ZC3H12B: variants seen among roughly 807,000 people sequenced by gnomAD.
ZC3H12B encodes probable ribonuclease ZC3H12B.
ZC3H12B carries 7 observed loss-of-function variants against 43.9 expected under a neutral mutation model. The ratio of observed to expected loss-of-function variants is 0.16; its 90% CI spans 0.09 to 0.30. ZC3H12B has a LOEUF of 0.30. ZC3H12B is among the 10% of genes least tolerant of loss of function. The pLI is 1.00. For synonymous variants in ZC3H12B, 222 were observed against 241.7 expected, an observed-to-expected ratio of 0.92 and a Z score of 0.76; for missense variants, 475 against 670.2, an observed-to-expected ratio of 0.71 and a Z score of 3.22.
At chrX:65,388,555 C>T (rs1236768434) in intron 2 of ZC3H12B, among the ~76,000 whole-genome samples, 1 of 110,581 alleles carries the variant, frequency 9.0e-6, no homozygotes, top group Admixed American at 9.6e-5. Context: ...ATTTTTTTTT[C>T]AAAGTTTTTA....
intron 3 of ZC3H12B, among the ~76,000 whole-genome samples, chrX:65,439,343 T>A (rs1238588520): frequency 1.8e-5 from 2 of 111,979 alleles, no homozygotes; most frequent in Non-Finnish European, 3.8e-5. Flanking sequence ...CATCTTACCA[T>A]TTTGTTCAGA....
the ZC3H12B span, among the ~76,000 whole-genome samples, chrX:65,273,355 C>T: frequency 9.1e-6 from 1 of 109,873 alleles, no homozygotes; most frequent in African/African-American, 3.3e-5. Context: ...CTAGATCAAA[C>T]AGAAGAAATG....
the ZC3H12B span, among the ~76,000 whole-genome samples, chrX:65,295,356 G>A: frequency 3.6e-5 from 4 of 111,385 alleles, no homozygotes; most frequent in Non-Finnish European, 7.6e-5. Flanking sequence ...TATTTGAACT[G>A]AACGCTAATA....
chrX:65,122,471 A>C, the ZC3H12B span, among the ~76,000 whole-genome samples: 73 of 111,443 alleles, frequency 6.6e-4, no homozygotes, highest in African/African-American at 2.4e-3. Flanking sequence ...AGGAAACTGC[A>C]TCAACTGACA....
At chrX:65,325,627 C>A in the ZC3H12B span, among the ~76,000 whole-genome samples, 3 of 110,160 alleles carry the variant, frequency 2.7e-5, no homozygotes, top group Non-Finnish European at 3.8e-5. Flanking sequence ...AAAAGTTAGC[C>A]CATGTTTATG....
At chrX:65,491,544 T>G (rs1356161604) in intron 1 of ZC3H12B, among the ~76,000 whole-genome samples, 1 of 109,238 alleles carries the variant, frequency 9.2e-6, no homozygotes, top group African/African-American at 3.3e-5. Context: ...CTGTCTCTAC[T>G]GCAAATACAA....
chrX:65,367,175 T>C (rs2066184685), intron 1 of ZC3H12B, among the ~76,000 whole-genome samples: 1 of 111,934 alleles, frequency 8.9e-6, no homozygotes, highest in African/African-American at 3.2e-5. Flanking sequence ...TGTTATTGCA[T>C]CTATAAATCA....
At chrX:65,479,820 G>C in intron 3 of ZC3H12B, among the ~76,000 whole-genome samples, 1 of 112,578 alleles carries the variant, frequency 8.9e-6, no homozygotes, top group Non-Finnish European at 1.9e-5. Flanking sequence ...GAAAATTAAA[G>C]TACACTCCAC....
chrX:65,345,247 A>G, the ZC3H12B span, among the ~76,000 whole-genome samples: 2 of 112,224 alleles, frequency 1.8e-5, no homozygotes, highest in African/African-American at 6.5e-5. Context: ...ACATGCATGC[A>G]TATGTACATT....
the ZC3H12B span, among the ~76,000 whole-genome samples, chrX:65,124,168 A>G: frequency 9.0e-6 from 1 of 110,889 alleles, no homozygotes; most frequent in Non-Finnish European, 1.9e-5. Context: ...TGTCCATGCT[A>G]TGCCAATTTT....
chrX:65,160,129 G>A, the ZC3H12B span, among the ~76,000 whole-genome samples: 1 of 111,778 alleles, frequency 8.9e-6, no homozygotes. Flanking sequence ...GATCATGGTG[G>A]ATAAGGTTTT....
the ZC3H12B span, among the ~76,000 whole-genome samples, chrX:65,131,396 A>G: frequency 9.0e-6 from 1 of 111,509 alleles, no homozygotes; most frequent in Admixed American, 9.5e-5. Flanking sequence ...CAGTAAGGTT[A>G]AGTTGTTTGG....
At chrX:65,456,605 GT>G (rs2067617439) in intron 3 of ZC3H12B, among the ~76,000 whole-genome samples, 1 of 105,772 alleles carries the variant, frequency 9.5e-6, no homozygotes, top group African/African-American at 3.5e-5. Context: ...CGCCTGACTG[GT>G]TTTCGTTTTT....
intron 2 of ZC3H12B, among the ~76,000 whole-genome samples, chrX:65,391,453 G>T (rs183022810): frequency 9.0e-6 from 1 of 111,588 alleles, no homozygotes; most frequent in Non-Finnish European, 1.9e-5. Context: ...GGCAGATTTT[G>T]ATTCATAACA....
At chrX:65,254,391 C>T in the ZC3H12B span, among the ~76,000 whole-genome samples, 7 of 112,380 alleles carry the variant, frequency 6.2e-5, no homozygotes, top group African/African-American at 1.3e-4. Context: ...GAACTAAGTT[C>T]GAGGCCAACA....
At chrX:65,068,835 T>A in the ZC3H12B span, among the ~76,000 whole-genome samples, 2 of 111,702 alleles carry the variant, frequency 1.8e-5, no homozygotes, top group Admixed American at 1.9e-4. Flanking sequence ...CATCTTTTGT[T>A]TTTCTGGGAA....
At chrX:65,456,810 C>T (rs1253661270) in intron 3 of ZC3H12B, among the ~76,000 whole-genome samples, 53 of 109,271 alleles carry the variant, frequency 4.9e-4, no homozygotes, top group African/African-American at 1.5e-3. Flanking sequence ...ACCTCCCAGC[C>T]GCCTGCCTTG....
intron 2 of ZC3H12B, among the ~76,000 whole-genome samples, chrX:65,376,915 A>T (rs1438773314): frequency 5.4e-5 from 6 of 110,991 alleles, no homozygotes; most frequent in Non-Finnish European, 9.4e-5. Context: ...GACTCCACCA[A>T]ACTAAATAAG....
chrX:65,337,601 CACA>C, the ZC3H12B span, among the ~76,000 whole-genome samples: 71 of 112,299 alleles, frequency 6.3e-4, no homozygotes, highest in African/African-American at 2.0e-3. Flanking sequence ...ATTTAAAAAT[CACA>C]ACATCACTTT....
Sources: gnomAD v4.1 joint callset for allele counts (sites outside exome capture counted in the v4.1 genomes callset) on GRCh38, gnomAD v4.1.1 for gene constraint, MANE v1.5 for transcripts, NCBI Gene and HGNC (gene_info 2026-07-23, HGNC 2026-07-21) for gene names.